IBTK: variants seen among roughly 807,000 people sequenced by gnomAD.
IBTK encodes the protein inhibitor of Bruton tyrosine kinase, also known as BTK-binding protein.
In IBTK, 83 loss-of-function variants were observed where a neutral mutation model predicts 154.9. The observed-to-expected ratio is 0.54, with a 90% CI of 0.45 to 0.64. The LOEUF is 0.64. Ranked by LOEUF, IBTK falls within the 30% of genes least tolerant of loss-of-function variation. The pLI is 0.00. For synonymous variants in IBTK, 515 were observed against 536.1 expected (o/e 0.96, Z 0.54); for missense variants, 1,332 against 1,584.6 (o/e 0.84, Z 2.71).
chr6:82,172,562 T>C (rs777688395), intron 27 of IBTK, 50 bp from the exon 28 acceptor site: 6 of 1,551,802 alleles, frequency 3.9e-6, no homozygotes, highest in Admixed American at 1.9e-5. Context: ...AATTTTTGCA[T>C]GCAAAATTTT....
chr6:82,216,918 A>T (rs1259577566), intron 10 of IBTK, among the ~76,000 whole-genome samples: 1 of 152,216 alleles, frequency 6.6e-6, no homozygotes, highest in African/African-American at 2.4e-5. Flanking sequence ...TACATGAATG[A>T]AATGATTCTG....
At chr6:82,173,309 T>C in intron 27 of IBTK, 58 bp downstream of exon 27, 1 of 1,289,962 alleles carries the variant, frequency 7.8e-7, no homozygotes, top group Non-Finnish European at 1.1e-6. Context: ...GCCTTAATGT[T>C]TTCAATGCTA....
chr6:82,239,432 G>A (rs1044189753), intron 2 of IBTK, among the ~76,000 whole-genome samples: 4 of 151,950 alleles, frequency 2.6e-5, no homozygotes, highest in South Asian at 2.1e-4. Context: ...GCGACAGAGC[G>A]AAACTCCATC....
intron 26 of IBTK, among the ~76,000 whole-genome samples, chr6:82,177,481 C>T (rs1054577847): frequency 5.9e-5 from 9 of 151,944 alleles, no homozygotes; most frequent in Non-Finnish European, 1.0e-4. Flanking sequence ...GGCACAATCT[C>T]GGCTCACCAC....
At chr6:82,229,916 C>T (rs1770444779) in intron 4 of IBTK, among the ~76,000 whole-genome samples, 1 of 152,058 alleles carries the variant, frequency 6.6e-6, no homozygotes, top group Non-Finnish European at 1.5e-5. Flanking sequence ...GATTCTATTG[C>T]TTTTTTTGTT....
At chr6:82,228,333 G>A (rs763132498) in intron 4 of IBTK, among the ~76,000 whole-genome samples, 30 of 152,026 alleles carry the variant, frequency 2.0e-4, no homozygotes, top group East Asian at 3.9e-4. Flanking sequence ...ACCCTAGACC[G>A]CTCGGAATTT....
chr6:82,216,473 T>C (rs1769878525), intron 10 of IBTK, among the ~76,000 whole-genome samples: 1 of 152,192 alleles, frequency 6.6e-6, no homozygotes, highest in South Asian at 2.1e-4. Context: ...CAATTATCCA[T>C]GATTCCATCT....
chr6:82,181,452 G>A (rs893105451), intron 26 of IBTK, among the ~76,000 whole-genome samples: 8 of 152,126 alleles, frequency 5.3e-5, no homozygotes, highest in East Asian at 1.9e-4. Context: ...CATACTGCAC[G>A]ACCCTGCTGA....
chr6:82,186,714 T>C (rs1365614043), intron 25 of IBTK, among the ~76,000 whole-genome samples: 1 of 152,090 alleles, frequency 6.6e-6, no homozygotes, highest in African/African-American at 2.4e-5. Flanking sequence ...ATTCAGAATA[T>C]CTATAATTCT....
At chr6:82,209,348 G>A (rs192374622) in intron 16 of IBTK, among the ~76,000 whole-genome samples, 248 of 152,274 alleles carry the variant, frequency 1.6e-3, no homozygotes, top group Non-Finnish European at 2.5e-3. Flanking sequence ...GAATAAATGT[G>A]TTATATCCAC....
At position 82,240,625 on chromosome 6, in the gene IBTK, A is replaced by G. The variant is rs1770906388; in HGVS notation, c.-139T>C. 2.9e-6 allele frequency: 2 copies of G among 696,366 alleles called. No individual in the cohort carries two copies. Among genetic ancestry groups the G allele is most frequent in the Non-Finnish European group, 4.7e-6 (2 of 424,804 alleles). The allele number at this position is 696,366 out of a possible 1,614,324, so 43.1% of individuals were successfully genotyped here. A position where few individuals can be genotyped will look rare whatever the true frequency, so the allele number is the denominator to read the frequency against. The stretch of plus-strand genomic sequence containing the variant: ...TAGGATAATTTAAATCCTCCTGACA[A>G]TAGTATAAAACTATATATCTTTATA... On this transcript the variant is annotated 5_prime_UTR_variant, in exon 2 of 29. Coordinates refer to ENST00000306270, the MANE Select transcript of IBTK (RefSeq NM_015525.4).
chr6:82,243,069 G>A (rs1040272677), intron 1 of IBTK, among the ~76,000 whole-genome samples: 21 of 151,462 alleles, frequency 1.4e-4, no homozygotes, highest in African/African-American at 4.4e-4. Context: ...GTGAAACCTC[G>A]TCTCTACTAA....
intron 2 of IBTK, among the ~76,000 whole-genome samples, chr6:82,237,653 A>ATAATAG (rs1554188031): frequency 1.6e-4 from 6 of 36,618 alleles, no homozygotes; most frequent in Non-Finnish European, 2.4e-4. Context: ...GTAGTAGAAG[A>ATAATAG]TAGTAGTGGT....
intron 4 of IBTK, among the ~76,000 whole-genome samples, chr6:82,230,978 C>A (rs1354814593): frequency 6.6e-6 from 1 of 152,118 alleles, no homozygotes; most frequent in African/African-American, 2.4e-5. Context: ...AATTTTTGAA[C>A]CCCACACTTC....
At chr6:82,217,616 G>A (rs1318543317) in intron 10 of IBTK, among the ~76,000 whole-genome samples, 3 of 152,078 alleles carry the variant, frequency 2.0e-5, no homozygotes, top group Non-Finnish European at 4.4e-5. Context: ...ATTTATCTGT[G>A]GCTTTATGAT....
At chr6:82,236,553 A>G (rs1356235185) in intron 2 of IBTK, among the ~76,000 whole-genome samples, 1 of 152,244 alleles carries the variant, frequency 6.6e-6, no homozygotes, top group Non-Finnish European at 1.5e-5. Flanking sequence ...AAGAAGCCCC[A>G]AAAGAGCTAC....
intron 9 of IBTK, among the ~76,000 whole-genome samples, chr6:82,218,728 A>G (rs1197260405): frequency 6.6e-6 from 1 of 152,122 alleles, no homozygotes; most frequent in Non-Finnish European, 1.5e-5. Context: ...AGGCTTCCCA[A>G]TCCACAGTAG....
chr6:82,189,094 G>A lies in IBTK; in HGVS notation c.3575+1979C>T, dbSNP rs960737960. 7 of 408,100 alleles carry A rather than the reference G, an allele frequency of 1.7e-5. No individual in the cohort carries two copies. The East Asian group carries it at 5.4e-4, about 32-fold the overall frequency. 25.3% of individuals were successfully genotyped at this position (408,100 alleles called of 1,614,324 possible). ...AGGGGGACCAATATCTGACTAATGT[G>A]ATTTGTAGAGAAAACAGTGAGGAGG... On this transcript the variant is annotated intron_variant, in intron 25 of 28. Transcript: ENST00000306270.
chr6:82,243,768 T>C (rs371236012), intron 1 of IBTK, among the ~76,000 whole-genome samples: 20 of 152,328 alleles, frequency 1.3e-4, no homozygotes, highest in African/African-American at 4.3e-4. Context: ...TGTTTGTATT[T>C]TCATTGTATG....
Sources: gnomAD v4.1 joint callset for allele counts (sites outside exome capture counted in the v4.1 genomes callset) on GRCh38, gnomAD v4.1.1 for gene constraint, MANE v1.5 for transcripts, NCBI Gene and HGNC (gene_info 2026-07-23, HGNC 2026-07-21) for gene names.